SMAD3: variants seen among roughly 807,000 people sequenced by gnomAD.
SMAD3 encodes the protein MAD homolog 3.
In SMAD3, 12 loss-of-function variants were observed where a neutral mutation model predicts 51.8. The observed-to-expected ratio is 0.23, with a 90% CI of 0.15 to 0.38. The LOEUF is 0.38. Ranked by LOEUF, SMAD3 falls within the 10% of genes least tolerant of loss-of-function variation. SMAD3 has a pLI of 1.00. For missense variants in SMAD3, 294 were observed against 565.6 expected, an observed-to-expected ratio of 0.52 and a Z score of 4.87; for synonymous variants, 238 against 227.7, an observed-to-expected ratio of 1.05 and a Z score of -0.41.
intron 1 of SMAD3, among the ~76,000 whole-genome samples, chr15:67,159,521 C>A (rs971286989): frequency 6.6e-6 from 1 of 151,938 alleles, no homozygotes; most frequent in African/African-American, 2.4e-5. Flanking sequence ...AAATAATAAG[C>A]CTTGCATATT....
At position 67,164,999 on chromosome 15, in the gene SMAD3, G is replaced by T. The variant is rs769657093; in HGVS notation, c.311G>T (p.Arg104Leu). The T allele has an allele frequency of 1.2e-6, 2 of 1,613,988 alleles. No homozygotes were observed. The highest frequency in any genetic ancestry group is 1.1e-5 in the South Asian group (1 of 91,084). ...WPDLHSHHELRAMELCEFAFN... is the reference protein window; with the variant it reads ...WPDLHSHHELLAMELCEFAFN... ...GACCTGCACAGCCACCACGAGCTACGGGCCATGGAGCTGTGTGAGTTCGCC... is the reference window on the plus strand; with the variant it reads ...GACCTGCACAGCCACCACGAGCTACTGGCCATGGAGCTGTGTGAGTTCGCC... The change falls in exon 2 of 9, where the codon CGG becomes CTG. Residue 104 changes from arginine (R) to leucine (L), a missense_variant. By Grantham distance (102) the Arg-to-Leu change is moderately radical. Around this residue, in one of 3 missense-constraint regions of SMAD3, gnomAD observed 147 missense variants for 260.9 expected, o/e 0.56. Transcript: ENST00000327367.
At chr15:67,117,084 T>C (rs115791232) in intron 1 of SMAD3, among the ~76,000 whole-genome samples, 1,688 of 152,240 alleles carry the variant, frequency 0.011, 37 homozygotes, top group African/African-American at 0.039. Context: ...TTTTTCTAAA[T>C]ATGTCTCTGC....
At chr15:67,087,991 C>G (rs184952363) in intron 1 of SMAD3, among the ~76,000 whole-genome samples, 21 of 152,326 alleles carry the variant, frequency 1.4e-4, no homozygotes, top group African/African-American at 4.3e-4. Flanking sequence ...AGTTCTTGTA[C>G]TGACATGGCC....
chr15:67,164,426 C>G (rs1196828569), intron 1 of SMAD3, among the ~76,000 whole-genome samples: 1 of 151,638 alleles, frequency 6.6e-6, no homozygotes, highest in Non-Finnish European at 1.5e-5. Context: ...GGGGAGACAG[C>G]CTTTGTACTT....
At chr15:67,182,989 A>T (rs1366070366) in intron 6 of SMAD3, among the ~76,000 whole-genome samples, 5 of 35,852 alleles carry the variant, frequency 1.4e-4, no homozygotes, top group African/African-American at 7.0e-4. Context: ...ATTTTATTAA[A>T]AAAAAAAAAA....
intron 5 of SMAD3, among the ~76,000 whole-genome samples, chr15:67,176,342 G>A (rs908693946): frequency 3.3e-5 from 5 of 152,170 alleles, no homozygotes; most frequent in African/African-American, 7.2e-5. Context: ...GGACTGAGAA[G>A]TGGTGGATGA....
chr15:67,175,914 CA>C (rs1962879873), intron 5 of SMAD3, among the ~76,000 whole-genome samples: 1 of 152,032 alleles, frequency 6.6e-6, no homozygotes, highest in African/African-American at 2.4e-5. Flanking sequence ...AAATCACAGG[CA>C]GGGTCTTCCC....
At chr15:67,153,270 T>A (rs1375199023) in intron 1 of SMAD3, among the ~76,000 whole-genome samples, 2 of 152,070 alleles carry the variant, frequency 1.3e-5, no homozygotes, top group African/African-American at 4.8e-5. Context: ...GGCAGGTGGA[T>A]CACCTGAGGT....
At chr15:67,118,155 G>A (rs1259476328) in intron 1 of SMAD3, among the ~76,000 whole-genome samples, 1 of 152,210 alleles carries the variant, frequency 6.6e-6, no homozygotes, top group Admixed American at 6.5e-5. Flanking sequence ...GGTGCTGCCT[G>A]GCACAGCAAT....
intron 1 of SMAD3, chr15:67,098,952 G>A: frequency 2.8e-6 from 2 of 702,436 alleles, no homozygotes; most frequent in Non-Finnish European, 5.2e-6. Context: ...ACAGTGTTCT[G>A]AAATGCTTCA....
At chr15:67,189,919 G>A (rs926006905) in intron 8 of SMAD3, among the ~76,000 whole-genome samples, 3 of 151,994 alleles carry the variant, frequency 2.0e-5, no homozygotes, top group Non-Finnish European at 2.9e-5. Context: ...GAAGGCATGC[G>A]GACACTGTTG....
chr15:67,075,265 C>T (rs971603619), intron 1 of SMAD3, among the ~76,000 whole-genome samples: 2 of 152,168 alleles, frequency 1.3e-5, no homozygotes, highest in African/African-American at 4.8e-5. Flanking sequence ...TCAAATCTTC[C>T]TGGTTGTAAA....
intron 1 of SMAD3, among the ~76,000 whole-genome samples, chr15:67,155,839 T>A (rs1030352812): frequency 6.6e-6 from 1 of 151,968 alleles, no homozygotes; most frequent in Non-Finnish European, 1.5e-5. Flanking sequence ...TACAAAAATT[T>A]AGCCGGGTGT....
chr15:67,114,812 A>G (rs1961100017), intron 1 of SMAD3, among the ~76,000 whole-genome samples: 1 of 152,076 alleles, frequency 6.6e-6, no homozygotes, highest in African/African-American at 2.4e-5. Flanking sequence ...CTTTGAAGTT[A>G]CCTCTGCCTC....
intron 1 of SMAD3, among the ~76,000 whole-genome samples, chr15:67,067,685 A>G (rs915281722): frequency 6.6e-5 from 10 of 152,156 alleles, no homozygotes; most frequent in African/African-American, 2.4e-4. Flanking sequence ...AATGCCACAT[A>G]TGGTGGGAGT....
At chr15:67,129,632 C>T (rs1247823456) in intron 1 of SMAD3, among the ~76,000 whole-genome samples, 1 of 152,080 alleles carries the variant, frequency 6.6e-6, no homozygotes, top group East Asian at 1.9e-4. Flanking sequence ...GAACGTATTC[C>T]CCTCGGATAA....
intron 5 of SMAD3, among the ~76,000 whole-genome samples, chr15:67,179,708 T>C (rs1261742365): frequency 6.6e-6 from 1 of 152,144 alleles, no homozygotes; most frequent in Non-Finnish European, 1.5e-5. Flanking sequence ...CTCTTGGGCT[T>C]TACACACCTT....
chr15:67,109,516 G>A (rs1027614885), intron 1 of SMAD3, among the ~76,000 whole-genome samples: 4 of 152,146 alleles, frequency 2.6e-5, no homozygotes, highest in Admixed American at 6.5e-5. Flanking sequence ...CACAGAGCTG[G>A]AATTCTCTCT....
chr15:67,189,579 C>T (rs918450453), intron 8 of SMAD3, among the ~76,000 whole-genome samples: 5 of 152,236 alleles, frequency 3.3e-5, no homozygotes, highest in Admixed American at 2.0e-4. Context: ...ACAGCCTTGT[C>T]GTCCTCCTGC....
Sources: allele counts gnomAD v4.1 joint callset (sites outside exome capture counted in the v4.1 genomes callset), GRCh38; gene constraint gnomAD v4.1.1; regional missense constraint gnomAD v4.1.1; transcripts MANE v1.5; gene names NCBI Gene and HGNC (gene_info 2026-07-23, HGNC 2026-07-21).